The following HDAC9 variants were observed in gnomAD, a reference collection of about 807,000 sequenced individuals.
The protein encoded by HDAC9 is histone deacetylase 9.
In HDAC9, 41 loss-of-function variants were observed where a neutral mutation model predicts 139.4. That is an observed-to-expected ratio of 0.29 (90% CI 0.23 to 0.38). The LOEUF is 0.38. Among genes scored for constraint, HDAC9 ranks in the 10% least tolerant of loss-of-function variants. The probability of loss-of-function intolerance (pLI) is 1.00; values close to 1 mark genes in which losing one functional copy is unlikely to be tolerated. For synonymous variants in HDAC9, 517 were observed against 476.2 expected (o/e 1.09, Z -1.12); for missense variants, 1,147 against 1,297.0 (o/e 0.88, Z 1.78).
At chr7:18,889,110 A>G (rs911057504) in intron 22 of HDAC9, among the ~76,000 whole-genome samples, 3 of 152,092 alleles carry the variant, frequency 2.0e-5, no homozygotes, top group Non-Finnish European at 2.9e-5. Flanking sequence ...ACCCTACTCT[A>G]TGCTCCTCTG....
chr7:18,119,248 TC>T (rs1300241894), intron 1 of HDAC9, among the ~76,000 whole-genome samples: 1 of 152,208 alleles, frequency 6.6e-6, no homozygotes, highest in Admixed American at 6.5e-5. Flanking sequence ...CCATGCTATT[TC>T]CTTGCAAGTC....
chr7:18,198,681 T>G (rs1790893870), intron 2 of HDAC9, among the ~76,000 whole-genome samples: 1 of 152,170 alleles, frequency 6.6e-6, no homozygotes, highest in South Asian at 2.1e-4. Flanking sequence ...TGGCTAACTT[T>G]TTTTCCTAAT....
intron 1 of HDAC9, chr7:18,458,723 C>A: frequency 4.7e-6 from 3 of 633,540 alleles, no homozygotes; most frequent in South Asian, 2.0e-5. Context: ...AAATGATAAG[C>A]TGTAGACCTC....
intron 23 of HDAC9, among the ~76,000 whole-genome samples, chr7:18,937,350 T>G (rs1344119767): frequency 6.6e-6 from 1 of 152,148 alleles, no homozygotes; most frequent in Non-Finnish European, 1.5e-5. Flanking sequence ...CTTGTTAATT[T>G]TAGACAGCAC....
intron 2 of HDAC9, among the ~76,000 whole-genome samples, chr7:18,533,301 C>T (rs1357324371): frequency 1.3e-5 from 2 of 152,156 alleles, no homozygotes; most frequent in South Asian, 2.1e-4. Flanking sequence ...TTTAGGCTCC[C>T]CACTCATCCT....
intron 2 of HDAC9, among the ~76,000 whole-genome samples, chr7:18,214,285 G>A (rs1337188490): frequency 1.3e-5 from 2 of 152,062 alleles, no homozygotes; most frequent in Non-Finnish European, 2.9e-5. Context: ...TATTAATGGT[G>A]TGTCTGGCTC....
In HDAC9 at chr7:18,835,709, T is replaced by A. The variant is rs1407063855; in HGVS notation, c.2586+123T>A. 2.9e-6 allele frequency: 4 copies of A among 1,360,032 alleles called. No homozygotes were observed. In the African/African-American group the frequency reaches 5.7e-5, roughly 19 times the overall value. The allele number at this position is 1,360,032 out of a possible 1,614,324, so 84.2% of individuals were successfully genotyped here. Reference sequence around the variant, plus strand: ...TAAATTACACGAGATTACTGAATTGTCCCATGGGACCAAGAACCAGTGCAG... The same window carrying A: ...TAAATTACACGAGATTACTGAATTGACCCATGGGACCAAGAACCAGTGCAG... On this transcript the variant is annotated intron_variant, in intron 20 of 25. Transcript: ENST00000686413.
chr7:18,354,665 C>T (rs1458843470), intron 1 of HDAC9, among the ~76,000 whole-genome samples: 1 of 152,146 alleles, frequency 6.6e-6, no homozygotes, highest in Non-Finnish European at 1.5e-5. Context: ...TCTTTGCTTT[C>T]TTCTTTTGTC....
rs1562940422 is a variant in HDAC9, at chr7:18,786,469, T to TCTTTCTTTCCTTC, written c.2215-6875_2215-6874insTTTCTTTCCTTCC. On this transcript the variant is annotated intron_variant, in intron 16 of 25. Coordinates refer to ENST00000686413, the MANE Select transcript of HDAC9 (RefSeq NM_178425.4). Reference sequence around the variant, plus strand: ...CCCATCGCCCTTTCCTTCCTTCCTTTCGTCCTTCCTTCCTTTCTTCCTTCC... The same window carrying TCTTTCTTTCCTTC: ...CCCATCGCCCTTTCCTTCCTTCCTTTCTTTCTTTCCTTCCGTCCTTCCTTCCTTTCTTCCTTCC... Among the ~76,000 whole-genome samples, 39 of 16,262 alleles carry TCTTTCTTTCCTTC rather than the reference T, an allele frequency of 2.4e-3. 2 individuals are homozygous for TCTTTCTTTCCTTC. Among genetic ancestry groups the TCTTTCTTTCCTTC allele is most frequent in the African/African-American group, 4.3e-3 (37 of 8,626 alleles). 10.7% of individuals were successfully genotyped at this position (16,262 alleles called of 152,430 possible). A position where few individuals can be genotyped will look rare whatever the true frequency, so the allele number is the denominator to read the frequency against.
In HDAC9 at chr7:18,996,111, TC is replaced by T. The variant is rs989072453; in HGVS notation, c.*55del. 6.5e-6 allele frequency: 9 copies of T among 1,392,366 alleles called. No homozygotes were observed. The African/African-American group carries it at 9.9e-5, about 15-fold the overall frequency. The allele number at this position is 1,392,366 out of a possible 1,614,324, so 86.3% of individuals were successfully genotyped here. On this transcript the variant is annotated 3_prime_UTR_variant, in exon 26 of 26. Coordinates refer to ENST00000686413, the MANE Select transcript of HDAC9 (RefSeq NM_178425.4). ...TTCCTGTGTGTGACATCATTGTGTA[TC>T]CCCCCACCCCAGTACCCTCAGACAT...
At chr7:18,123,216 T>A (rs1337532109) in intron 1 of HDAC9, among the ~76,000 whole-genome samples, 1 of 152,208 alleles carries the variant, frequency 6.6e-6, no homozygotes, top group Non-Finnish European at 1.5e-5. Context: ...CAACCCCCTT[T>A]TATTCAGAGC....
chr7:18,311,852 T>C (rs978842522), intron 1 of HDAC9, among the ~76,000 whole-genome samples: 37 of 152,224 alleles, frequency 2.4e-4, no homozygotes, highest in Middle Eastern at 3.2e-3. Flanking sequence ...TTTGAAGGCA[T>C]CCTTTTATTT....
At chr7:18,913,785 G>A (rs919760937) in intron 22 of HDAC9, among the ~76,000 whole-genome samples, 1 of 151,926 alleles carries the variant, frequency 6.6e-6, no homozygotes, top group Non-Finnish European at 1.5e-5. Flanking sequence ...TGGAAGTTAA[G>A]GATGAAGCAT....
chr7:18,549,599 A>T (rs1436497206), intron 2 of HDAC9, among the ~76,000 whole-genome samples: 1 of 152,204 alleles, frequency 6.6e-6, no homozygotes. Flanking sequence ...CATTTTAAGG[A>T]TGTTAACTTC....
At chr7:18,868,582 T>G (rs1798667418) in intron 21 of HDAC9, among the ~76,000 whole-genome samples, 2 of 152,198 alleles carry the variant, frequency 1.3e-5, no homozygotes, top group Non-Finnish European at 2.9e-5. Flanking sequence ...AGGACATACA[T>G]TAGTTTTTTT....
intron 12 of HDAC9, among the ~76,000 whole-genome samples, chr7:18,683,650 A>C (rs2129091919): frequency 6.6e-6 from 1 of 152,222 alleles, no homozygotes; most frequent in Non-Finnish European, 1.5e-5. Context: ...GACAAAATTT[A>C]TTGAAGCGCT....
chr7:18,749,252 T>C (rs1788241419), intron 14 of HDAC9, 114 bp downstream of exon 14: 6 of 1,081,450 alleles, frequency 5.5e-6, no homozygotes, highest in African/African-American at 4.7e-5. Flanking sequence ...AACACCATGA[T>C]TGATGAACCA....
intron 16 of HDAC9, among the ~76,000 whole-genome samples, chr7:18,779,781 G>A (rs1423828827): frequency 6.6e-6 from 1 of 151,996 alleles, no homozygotes; most frequent in Non-Finnish European, 1.5e-5. Context: ...ATTCAGGTCT[G>A]CAGAGGGTAA....
intron 1 of HDAC9, among the ~76,000 whole-genome samples, chr7:18,124,239 C>CTGTT (rs1305969365): frequency 2.0e-5 from 3 of 152,160 alleles, no homozygotes; most frequent in Admixed American, 2.0e-4. Flanking sequence ...GGTGGAATAT[C>CTGTT]TGTTGGGTGA....
Sources: gnomAD v4.1 joint callset for allele counts (sites outside exome capture counted in the v4.1 genomes callset) on GRCh38, gnomAD v4.1.1 for gene constraint, MANE v1.5 for transcripts, NCBI Gene and HGNC (gene_info 2026-07-23, HGNC 2026-07-21) for gene names.